The following TBC1D5 variants were observed in gnomAD, a reference collection of about 807,000 sequenced individuals.
TBC1D5 encodes the protein TBC1 domain family member 5, also known as TBC1 domain family, member 5.
In TBC1D5, 75 loss-of-function variants were observed where a neutral mutation model predicts 100.3. The observed-to-expected ratio is 0.75, with a 90% CI of 0.62 to 0.91. The LOEUF is 0.91. TBC1D5 is among the 40% of genes least tolerant of loss of function. The pLI is 0.00. For synonymous variants in TBC1D5, 323 were observed against 325.6 expected, an observed-to-expected ratio of 0.99 and a Z score of 0.09; for missense variants, 910 against 942.4, an observed-to-expected ratio of 0.97 and a Z score of 0.45.
chr3:17,233,130 A>T (rs560345887), intron 17 of TBC1D5, among the ~76,000 whole-genome samples: 1 of 152,312 alleles, frequency 6.6e-6, no homozygotes, highest in South Asian at 2.1e-4. Context: ...TATGATATTT[A>T]AACATTCTTT....
intron 13 of TBC1D5, among the ~76,000 whole-genome samples, chr3:17,316,348 GATTCC>G (rs1366933249): frequency 2.0e-5 from 3 of 152,192 alleles, no homozygotes; most frequent in Non-Finnish European, 2.9e-5. Context: ...GTGAAACTGA[GATTCC>G]ATTCATCAGT....
At chr3:17,608,604 C>T (rs539564207) in intron 2 of TBC1D5, among the ~76,000 whole-genome samples, 64 of 152,208 alleles carry the variant, frequency 4.2e-4, no homozygotes, top group African/African-American at 1.4e-3. Context: ...TTAAGAGTCA[C>T]AAAATTAGAA....
chr3:17,161,388 C>T (rs1298502045), intron 21 of TBC1D5, 132 bp from the exon 23 acceptor site: 6 of 1,045,926 alleles, frequency 5.7e-6, no homozygotes, highest in Middle Eastern at 2.8e-4. Flanking sequence ...CCTTGAAAGA[C>T]GCAGTGTTTG....
chr3:17,401,045 C>G (rs1397112065), intron 8 of TBC1D5, among the ~76,000 whole-genome samples: 1 of 151,960 alleles, frequency 6.6e-6, no homozygotes, highest in Non-Finnish European at 1.5e-5. Context: ...TAATAAACTC[C>G]CCTTTATATA....
chr3:17,411,099 C>A (rs2093911282), intron 4 of TBC1D5, among the ~76,000 whole-genome samples: 1 of 152,150 alleles, frequency 6.6e-6, no homozygotes, highest in South Asian at 2.1e-4. Context: ...TTACCCCCAA[C>A]CTTCAGCAAC....
chr3:17,315,152 C>A (rs1236743246), intron 13 of TBC1D5, among the ~76,000 whole-genome samples: 2 of 152,248 alleles, frequency 1.3e-5, no homozygotes, highest in Admixed American at 6.5e-5. Flanking sequence ...TGTGTATCTT[C>A]AAACTGGCTC....
chr3:17,697,634 C>T (rs577340890), intron 1 of TBC1D5, among the ~76,000 whole-genome samples: 53 of 152,266 alleles, frequency 3.5e-4, no homozygotes, highest in South Asian at 2.3e-3. Context: ...GAACATCCCA[C>T]GCTCACGGAT....
chr3:17,658,221 G>A (rs539775232), intron 1 of TBC1D5, among the ~76,000 whole-genome samples: 1 of 152,250 alleles, frequency 6.6e-6, no homozygotes, highest in East Asian at 1.9e-4. Context: ...CCCATCAAGT[G>A]GAGCATGATT....
chr3:17,632,225 G>C (rs2063558517), intron 1 of TBC1D5, among the ~76,000 whole-genome samples: 1 of 152,198 alleles, frequency 6.6e-6, no homozygotes, highest in African/African-American at 2.4e-5. Flanking sequence ...AAGAACTGCA[G>C]GCAGGGTGGA....
chr3:17,654,097 C>T (rs1010214451), intron 1 of TBC1D5, among the ~76,000 whole-genome samples: 5 of 151,906 alleles, frequency 3.3e-5, no homozygotes, highest in Admixed American at 6.6e-5. Flanking sequence ...TTGACATTTT[C>T]GACAGCAGAC....
intron 13 of TBC1D5, among the ~76,000 whole-genome samples, chr3:17,320,301 T>C (rs902948951): frequency 4.3e-4 from 66 of 152,324 alleles, no homozygotes; most frequent in African/African-American, 1.6e-3. Context: ...CAGCATCACA[T>C]GAAAATTTGT....
chr3:17,670,507 C>T (rs1054428152), intron 1 of TBC1D5, among the ~76,000 whole-genome samples: 3 of 152,168 alleles, frequency 2.0e-5, no homozygotes, highest in African/African-American at 7.2e-5. Flanking sequence ...AGGGGGATCT[C>T]ACTACCTTTT....
At chr3:17,665,726 T>C (rs1317069567) in intron 1 of TBC1D5, among the ~76,000 whole-genome samples, 1 of 152,260 alleles carries the variant, frequency 6.6e-6, no homozygotes, top group Non-Finnish European at 1.5e-5. Flanking sequence ...TACATTTGTC[T>C]ACACTGAACT....
intron 4 of TBC1D5, among the ~76,000 whole-genome samples, chr3:17,408,857 T>G (rs537635979): frequency 3.9e-4 from 59 of 152,272 alleles, no homozygotes; most frequent in Admixed American, 3.8e-3. Flanking sequence ...AAGTAATTCT[T>G]AGCCACTCCA....
intron 5 of TBC1D5, among the ~76,000 whole-genome samples, 199 bp downstream of exon 5, chr3:17,406,219 C>T (rs544983050): frequency 3.9e-5 from 6 of 152,076 alleles, no homozygotes; most frequent in African/African-American, 9.6e-5. Flanking sequence ...ACTCTTTTAC[C>T]GTTATCACTT....
At chr3:17,737,776 T>C (rs2077071978) in intron 1 of TBC1D5, among the ~76,000 whole-genome samples, 1 of 151,848 alleles carries the variant, frequency 6.6e-6, no homozygotes, top group South Asian at 2.1e-4. Flanking sequence ...TATGATAACA[T>C]GTAATCATCT....
At chr3:17,231,226 T>A (rs2075390183) in intron 17 of TBC1D5, among the ~76,000 whole-genome samples, 1 of 152,184 alleles carries the variant, frequency 6.6e-6, no homozygotes, top group Non-Finnish European at 1.5e-5. Flanking sequence ...TGACAAAGGT[T>A]TCCGGGGGTA....
intron 3 of TBC1D5, among the ~76,000 whole-genome samples, chr3:17,428,876 C>G (rs557641278): frequency 1.3e-5 from 2 of 152,064 alleles, no homozygotes; most frequent in Non-Finnish European, 2.9e-5. Context: ...CCATCCTGAT[C>G]AGTGGCACTG....
At chr3:17,538,137 C>T (rs2096303292) in intron 2 of TBC1D5, among the ~76,000 whole-genome samples, 1 of 152,120 alleles carries the variant, frequency 6.6e-6, no homozygotes, top group African/African-American at 2.4e-5. Context: ...CCCAAACACG[C>T]ACACCCCCAC....
Sources: gnomAD v4.1 joint callset for allele counts (sites outside exome capture counted in the v4.1 genomes callset) on GRCh38, gnomAD v4.1.1 for gene constraint, MANE v1.5 for transcripts, NCBI Gene and HGNC (gene_info 2026-07-23, HGNC 2026-07-21) for gene names.